The following DENND4A variants were observed in gnomAD, a reference collection of about 807,000 sequenced individuals.
DENND4A encodes the protein DENN domain containing 4A, also known as C-myc promoter-binding protein.
Under a neutral mutation model 199.3 loss-of-function variants are expected in DENND4A, and 70 were observed. That is an observed-to-expected ratio of 0.35 (90% CI 0.29 to 0.43). DENND4A has a LOEUF of 0.43. Among genes scored for constraint, DENND4A ranks in the 20% least tolerant of loss-of-function variants. The pLI is 1.00. For synonymous variants in DENND4A, 686 were observed against 766.9 expected (o/e 0.89, Z 1.74); for missense variants, 1,723 against 2,255.8 (o/e 0.76, Z 4.78).
intron 1 of DENND4A, among the ~76,000 whole-genome samples, chr15:65,765,056 G>A (rs1320370560): frequency 6.6e-6 from 1 of 150,702 alleles, no homozygotes; most frequent in African/African-American, 2.4e-5. Context: ...TTTCCATTCT[G>A]ATGAATGAAC....
At chr15:65,723,543 G>T (rs938859996) in intron 11 of DENND4A, among the ~76,000 whole-genome samples, 8 of 152,014 alleles carry the variant, frequency 5.3e-5, no homozygotes, top group South Asian at 2.1e-4. Flanking sequence ...TATAAAAGAG[G>T]ATATCCGTTA....
chr15:65,762,874 A>G (rs2076887938), intron 1 of DENND4A, among the ~76,000 whole-genome samples: 1 of 152,164 alleles, frequency 6.6e-6, no homozygotes, highest in African/African-American at 2.4e-5. Flanking sequence ...GAACTAATCC[A>G]TGGAGGATAC....
intron 4 of DENND4A, among the ~76,000 whole-genome samples, chr15:65,751,448 T>C (rs1350418214): frequency 1.3e-5 from 2 of 152,190 alleles, no homozygotes; most frequent in African/African-American, 4.8e-5. Context: ...GAAGGGATGA[T>C]GAATTAGAGA....
chr15:65,718,987 C>T (rs12592870), intron 12 of DENND4A, among the ~76,000 whole-genome samples: 30,638 of 150,850 alleles, frequency 0.2, 4,149 homozygotes, highest in East Asian at 0.73. Flanking sequence ...ACCGTGTTGG[C>T]GAGGCTAGTC....
In DENND4A at chr15:65,669,710, TTC is replaced by T. The variant is rs1383385332; in HGVS notation, c.4787+67_4787+68del. ...AAACCTGGAAATGGTCAACTAATTT[TTC>T]TGTCATACTTCTAAAATATGTGTAA... On this transcript the variant is annotated intron_variant, in intron 27 of 32. Transcript: ENST00000443035. 10 of 1,363,790 alleles carry T rather than the reference TTC, an allele frequency of 7.3e-6. No homozygotes were observed. The African/African-American group carries it at 1.5e-4, about 20-fold the overall frequency. 84.5% of individuals were successfully genotyped at this position (1,363,790 alleles called of 1,614,324 possible). A position where few individuals can be genotyped will look rare whatever the true frequency, so the allele number is the denominator to read the frequency against.
At chr15:65,785,759 T>A (rs2077551527) in intron 1 of DENND4A, among the ~76,000 whole-genome samples, 1 of 152,080 alleles carries the variant, frequency 6.6e-6, no homozygotes, top group Non-Finnish European at 1.5e-5. Flanking sequence ...TAACTAAACA[T>A]ACTTGGAGAA....
chr15:65,687,793 T>A (rs1431312778), intron 23 of DENND4A, among the ~76,000 whole-genome samples: 1 of 99,612 alleles, frequency 1.0e-5, no homozygotes, highest in East Asian at 2.6e-3. Flanking sequence ...GTATTTTAAT[T>A]TTTTTTTAGC....
rs1251183470 is a variant in DENND4A at position 65,669,820 on chromosome 15, G to A, written c.4746C>T (p.Asp1582=). 6.2e-7 allele frequency: 1 copy of A among 1,613,720 alleles called. No individual in the cohort carries two copies. The highest frequency in any genetic ancestry group is 1.1e-5 in the South Asian group (1 of 91,044). The change falls in exon 27 of 33, where the codon GAC becomes GAT. Residue 1582 remains aspartate, a synonymous_variant. Coordinates refer to ENST00000443035, the MANE Select transcript of DENND4A (RefSeq NM_001320835.1). ...TCCCTTGAACAGAGAGAGCAGATGT[G>A]TCAAGACCAGAGGCTGATGTTGAAA... ...SCISTSASGL[D]TSALSVQGNF...
In DENND4A at chr15:65,704,376, T is replaced by C. The variant is rs532258805; in HGVS notation, c.2088-1368A>G. On this transcript the variant is annotated intron_variant, in intron 15 of 32. Transcript: ENST00000443035. ...AAACGTCTTCAGATAAGTAATTTTC[T>C]TATTATTTTATTTTTTGATTTATGT... 9.2e-5 allele frequency among the ~76,000 whole-genome samples: 14 copies of C among 152,280 alleles called. 1 individual carries two copies. The East Asian group carries it at 2.7e-3, about 29-fold the overall frequency.
intron 26 of DENND4A, 39 bp from the exon 27 acceptor site, chr15:65,669,964 T>C (rs780677372): frequency 2.5e-6 from 4 of 1,609,858 alleles, no homozygotes; most frequent in South Asian, 1.1e-5. Context: ...AGAAAAGAGA[T>C]ATTATAGGGA....
intron 1 of DENND4A, among the ~76,000 whole-genome samples, chr15:65,786,704 A>C (rs1329170186): frequency 6.6e-6 from 1 of 152,266 alleles, no homozygotes; most frequent in Admixed American, 6.5e-5. Context: ...GAATTAAATA[A>C]CTTACCTAAG....
Position 65,691,197 on chromosome 15 carries a change from A to C in DENND4A, c.3397T>G (p.Ser1133Ala). The C allele has an allele frequency of 6.2e-7, 1 of 1,613,412 alleles. No homozygotes were observed. Among genetic ancestry groups the C allele is most frequent in the Non-Finnish European group, 8.5e-7 (1 of 1,179,684 alleles). Reference protein sequence around the residue: ...TLDIGKPPLRSKRDSLEKESS... With the variant: ...TLDIGKPPLRAKRDSLEKESS... ...TCCTTTTCTAGACTGTCTCTTTTTG[A>C]TCTTAAAGGTGGCTTCCCAATATCA... is the stretch of plus-strand genomic sequence containing the variant. The change falls in exon 23 of 33, where the codon TCA becomes GCA. Residue 1133 changes from serine to alanine, a missense_variant. Physicochemically the swap from Ser to Ala is moderately conservative, Grantham distance 99. Transcript: ENST00000443035.
intron 23 of DENND4A, among the ~76,000 whole-genome samples, chr15:65,677,927 C>CTTTTTTTTT (rs11071847): frequency 7.0e-5 from 7 of 100,066 alleles, no homozygotes; most frequent in African/African-American, 2.2e-4. Context: ...CCTCTTATCT[C>CTTTTTTTTT]TTTTTTTTTT....
intron 1 of DENND4A, among the ~76,000 whole-genome samples, chr15:65,769,424 A>T (rs916799937): frequency 6.6e-6 from 1 of 152,210 alleles, no homozygotes; most frequent in Non-Finnish European, 1.5e-5. Flanking sequence ...ACTATATGAA[A>T]ACTATAAAAT....
intron 1 of DENND4A, chr15:65,766,882 T>C (rs931800281): frequency 6.6e-6 from 1 of 152,208 alleles, no homozygotes; most frequent in Non-Finnish European, 1.5e-5. Flanking sequence ...AGGAGTATTA[T>C]ACTGTGTTCA....
intron 12 of DENND4A, 22 bp downstream of exon 12, chr15:65,722,826 T>C: frequency 6.5e-7 from 1 of 1,546,696 alleles, no homozygotes; most frequent in Non-Finnish European, 8.7e-7. Flanking sequence ...AATTACCTCC[T>C]TTAATTAAGT....
At chr15:65,741,177 G>A (rs1357972435) in intron 5 of DENND4A, among the ~76,000 whole-genome samples, 2 of 151,838 alleles carry the variant, frequency 1.3e-5, no homozygotes, top group East Asian at 1.9e-4. Flanking sequence ...CTCAGCCTCC[G>A]AAAAAACTGG....
At chr15:65,740,241 C>T (rs1596567359) in intron 5 of DENND4A, among the ~76,000 whole-genome samples, 1 of 134,818 alleles carries the variant, frequency 7.4e-6, no homozygotes, top group South Asian at 2.3e-4. Context: ...AGGATATCCA[C>T]AAATTAGGCC....
chr15:65,673,026 A>T (rs933222614), intron 24 of DENND4A, among the ~76,000 whole-genome samples: 2 of 151,898 alleles, frequency 1.3e-5, no homozygotes, highest in African/African-American at 4.8e-5. Flanking sequence ...ACACCCAGCT[A>T]ATTTTTTGTA....
Sources: gnomAD v4.1 joint callset for allele counts (sites outside exome capture counted in the v4.1 genomes callset) on GRCh38, gnomAD v4.1.1 for gene constraint, MANE v1.5 for transcripts, NCBI Gene and HGNC (gene_info 2026-07-23, HGNC 2026-07-21) for gene names.